RGSL1: variants seen among roughly 807,000 people sequenced by gnomAD.
The protein encoded by RGSL1 is regulator of G protein signaling like 1, also known as regulator of G protein signaling protein-like.
Under a neutral mutation model 124.7 loss-of-function variants are expected in RGSL1, and 97 were observed. That is an observed-to-expected ratio of 0.78 (90% confidence interval 0.66 to 0.92). RGSL1 has a LOEUF of 0.92. RGSL1 is among the 40% of genes least tolerant of loss of function. The pLI is 0.00. For synonymous variants in RGSL1, 424 were observed against 438.1 expected, an observed-to-expected ratio of 0.97 and a Z score of 0.40; for missense variants, 1,233 against 1,288.4, an observed-to-expected ratio of 0.96 and a Z score of 0.66.
intron 12 of RGSL1, 41 bp from the exon 13 acceptor site, chr1:182,530,749 G>T: frequency 6.8e-7 from 1 of 1,480,972 alleles, no homozygotes; most frequent in Non-Finnish European, 9.0e-7. Context: ...TTATGTGCCA[G>T]GTTTTTGCCC....
At chr1:182,477,858 C>G (rs1425495896) in intron 6 of RGSL1, among the ~76,000 whole-genome samples, 1 of 152,130 alleles carries the variant, frequency 6.6e-6, no homozygotes, top group Non-Finnish European at 1.5e-5. Context: ...TCTGTGAAGA[C>G]CAGAAGAGGT....
Position 182,530,249 on chromosome 1 carries a change from A to G in RGSL1, c.2131A>G (p.Met711Val), listed in dbSNP as rs2102267124. ...TTCTCTCTTGCATTTTCTAGAAGAA[A>G]TGCTGCAGTGTGATGCCCCTATTAT... ...FFQGQLSPEE[M>V]LQCDAPIIKE... Residue 711 changes from methionine (M) to valine (V), a missense_variant, in exon 12 of 22, where the codon ATG becomes GTG. Met to Val is a conservative substitution (Grantham distance 21). Transcript: ENST00000294854. 2 of 1,549,646 alleles carry G rather than the reference A, an allele frequency of 1.3e-6. No individual in the cohort carries two copies. The highest frequency in any genetic ancestry group is 1.7e-4 in the Middle Eastern group (1 of 5,982).
chr1:182,531,709 G>A (rs989879846), intron 13 of RGSL1, among the ~76,000 whole-genome samples: 1 of 152,158 alleles, frequency 6.6e-6, no homozygotes, highest in Non-Finnish European at 1.5e-5. Flanking sequence ...CTACTAAAAA[G>A]ATTACTGTAC....
chr1:182,539,320 T>C (rs183683664), intron 14 of RGSL1, among the ~76,000 whole-genome samples: 3 of 152,274 alleles, frequency 2.0e-5, no homozygotes, highest in Non-Finnish European at 2.9e-5. Context: ...GATTGAAAGA[T>C]AGTAGGAAAG....
intron 4 of RGSL1, among the ~76,000 whole-genome samples, chr1:182,464,787 T>G (rs1653145018): frequency 6.7e-6 from 1 of 149,442 alleles, no homozygotes; most frequent in African/African-American, 2.5e-5. Context: ...AGACTATAGA[T>G]CACTAAATTC....
chr1:182,512,835 GC>G (rs1418214990), intron 9 of RGSL1, among the ~76,000 whole-genome samples: 1 of 152,136 alleles, frequency 6.6e-6, no homozygotes, highest in Non-Finnish European at 1.5e-5. Flanking sequence ...CTGGAGTTTG[GC>G]TACCCCATGG....
intron 15 of RGSL1, among the ~76,000 whole-genome samples, chr1:182,542,633 G>A (rs890257408): frequency 1.3e-5 from 2 of 151,924 alleles, no homozygotes; most frequent in Admixed American, 1.3e-4. Context: ...GGATTGCACT[G>A]AATCTATAAA....
intron 9 of RGSL1, among the ~76,000 whole-genome samples, chr1:182,506,562 T>C (rs1223479832): frequency 6.6e-6 from 1 of 152,216 alleles, no homozygotes; most frequent in Admixed American, 6.5e-5. Context: ...TTATCCCATC[T>C]TTTTATTCTT....
chr1:182,457,301 G>T (rs1652424853), intron 2 of RGSL1, among the ~76,000 whole-genome samples: 1 of 152,140 alleles, frequency 6.6e-6, no homozygotes, highest in African/African-American at 2.4e-5. Flanking sequence ...GTCGGGTAGT[G>T]AAACTGCTTC....
Position 182,511,945 on chromosome 1 carries a change from A to G in RGSL1, c.1826-10059A>G, listed in dbSNP as rs114048355. Among the ~76,000 whole-genome samples the G allele has an allele frequency of 3.9e-5, 6 of 152,110 alleles. No homozygotes were observed. The South Asian group carries it at 1.2e-3, about 32-fold the overall frequency. On this transcript the variant is annotated intron_variant, in intron 9 of 21. Transcript: ENST00000294854. ...GCGTTTTGTAATTTTTCTTGTATAG[A>G]TCTTTCACTTCTTTGGTTAAATTGA...
chr1:182,451,169 A>T (rs1651790708), intron 1 of RGSL1, among the ~76,000 whole-genome samples: 1 of 151,564 alleles, frequency 6.6e-6, no homozygotes. Context: ...AAAAGATTGA[A>T]GATTATCTTT....
intron 4 of RGSL1, 95 bp downstream of exon 4, chr1:182,460,228 A>C (rs184547727): frequency 7.4e-7 from 1 of 1,353,748 alleles, no homozygotes; most frequent in Non-Finnish European, 9.7e-7. Context: ...TTATGCCTGT[A>C]TGTGTGTGTG....
At chr1:182,517,521 T>C (rs896664767) in intron 9 of RGSL1, among the ~76,000 whole-genome samples, 2 of 152,110 alleles carry the variant, frequency 1.3e-5, no homozygotes, top group African/African-American at 4.8e-5. Flanking sequence ...ATTTTCTCTT[T>C]TGAGATCACT....
Position 182,530,888 on chromosome 1 carries a change from C to T in RGSL1, c.2342C>T (p.Ser781Leu). The T allele has an allele frequency of 1.3e-6, 2 of 1,549,184 alleles. No individual in the cohort carries two copies. Among genetic ancestry groups the T allele is most frequent in the Non-Finnish European group, 1.7e-6 (2 of 1,145,824 alleles). Residue 781 changes from serine to leucine, a missense_variant, in exon 13 of 22, where the codon TCA becomes TTA. By Grantham distance (145) the Ser-to-Leu change is moderately radical (BLOSUM62 -2). Coordinates refer to ENST00000294854, the MANE Select transcript of RGSL1 (RefSeq NM_001137669.2). ...TCTAGGAAGCCCTCAAAGATAGTGTCAACTTACCTACAGGAATCCCAGGTT... is the reference window on the plus strand; with the variant it reads ...TCTAGGAAGCCCTCAAAGATAGTGTTAACTTACCTACAGGAATCCCAGGTT... ...ISSRKPSKIV[S>L]TYLQESQKKG...
intron 9 of RGSL1, among the ~76,000 whole-genome samples, chr1:182,508,376 T>C (rs1324349778): frequency 7.9e-6 from 1 of 127,372 alleles, no homozygotes; most frequent in Non-Finnish European, 1.6e-5. Flanking sequence ...TTCGGCCCAC[T>C]GCAACCTCCG....
intron 5 of RGSL1, among the ~76,000 whole-genome samples, chr1:182,473,009 C>A (rs1397573349): frequency 6.6e-6 from 1 of 152,132 alleles, no homozygotes; most frequent in African/African-American, 2.4e-5. Context: ...TACCATCTGG[C>A]CCTTTACATA....
chr1:182,532,909 A>T (rs1223911614), intron 14 of RGSL1, 118 bp downstream of exon 14: 15 of 1,139,632 alleles, frequency 1.3e-5, no homozygotes, highest in Admixed American at 2.6e-5. Flanking sequence ...TCTAGCAAAA[A>T]AACCCAGGTC....
chr1:182,552,331 G>C (rs1660616382), intron 18 of RGSL1, among the ~76,000 whole-genome samples: 1 of 152,068 alleles, frequency 6.6e-6, no homozygotes, highest in South Asian at 2.1e-4. Flanking sequence ...AGCCAGGATG[G>C]TCTCGATCTC....
At chr1:182,556,866 C>T (rs1387008283) in intron 21 of RGSL1, among the ~76,000 whole-genome samples, 2 of 152,080 alleles carry the variant, frequency 1.3e-5, no homozygotes, top group Non-Finnish European at 1.5e-5. Context: ...ATTTCCTGAA[C>T]AAGCCCTCCA....
Sources: gnomAD v4.1 joint callset for allele counts (sites outside exome capture counted in the v4.1 genomes callset) on GRCh38, gnomAD v4.1.1 for gene constraint, MANE v1.5 for transcripts, NCBI Gene and HGNC (gene_info 2026-07-23, HGNC 2026-07-21) for gene names.